PTPRA: variants seen among roughly 807,000 people sequenced by gnomAD.
The protein encoded by PTPRA is receptor-type tyrosine-protein phosphatase alpha.
PTPRA carries 25 observed loss-of-function variants against 104.8 expected under a neutral mutation model. The observed-to-expected ratio is 0.24, with a 90% CI of 0.17 to 0.33. PTPRA has a LOEUF of 0.33. Ranked by LOEUF, PTPRA falls within the 10% of genes least tolerant of loss-of-function variation. PTPRA has a pLI of 1.00. For synonymous variants in PTPRA, 323 were observed against 368.9 expected, an observed-to-expected ratio of 0.88 and a Z score of 1.43; for missense variants, 765 against 1,015.3, an observed-to-expected ratio of 0.75 and a Z score of 3.35.
chr20:2,932,671 T>G (rs1271053112), intron 2 of PTPRA, among the ~76,000 whole-genome samples: 1 of 152,190 alleles, frequency 6.6e-6, no homozygotes, highest in African/African-American at 2.4e-5. Flanking sequence ...TGGGCTGCTG[T>G]GCTAGAAACT....
At chr20:2,910,578 G>GT (rs1245304127) in intron 1 of PTPRA, among the ~76,000 whole-genome samples, 437 of 32,214 alleles carry the variant, frequency 0.014, 12 homozygotes, top group Non-Finnish European at 0.018. Flanking sequence ...TGCCCAGCTA[G>GT]TTTTTTTTTT....
At chr20:3,021,459 T>C (rs757584345) in intron 14 of PTPRA, 31 bp downstream of exon 14, 20 of 1,612,344 alleles carry the variant, frequency 1.2e-5, no homozygotes, top group Non-Finnish European at 1.6e-5. Flanking sequence ...TCTCAGTTCT[T>C]ATGTTGGATC....
chr20:2,864,973 T>C, the PTPRA span: 1 of 1,614,106 alleles, frequency 6.2e-7, no homozygotes, highest in Non-Finnish European at 8.5e-7. This position sits in a 1 kb window ranked among gnomAD's most constrained non-coding sequence, Gnocchi z 5.2. Context: ...TTCTTGTCTT[T>C]ATAGCGTATT....
rs889032179 is a variant in PTPRA at position 2,873,968 on chromosome 20, G to C, written c.-129+208G>C. Among the ~76,000 whole-genome samples, 3 of 152,332 alleles carry C rather than the reference G, an allele frequency of 2.0e-5. No individual in the cohort carries two copies. Among genetic ancestry groups the C allele is most frequent in the African/African-American group, 4.8e-5 (2 of 41,588 alleles). ...GGAGGGGGTCCCCGGAAACGTGCCG[G>C]CCCGAGTGCCGACCCCTCGCGACTG... On this transcript the variant is annotated intron_variant, in intron 1 of 23. Coordinates refer to ENST00000399903, the MANE Select transcript of PTPRA (RefSeq NM_001385305.1). The surrounding 1 kb of genome is among the most constrained non-coding windows in gnomAD (Gnocchi z 4.4).
Position 3,003,761 on chromosome 20 carries a change from G to C in PTPRA, c.739-1295G>C, listed in dbSNP as rs901158893. Among the ~76,000 whole-genome samples the C allele has an allele frequency of 2.8e-5, 4 of 145,192 alleles. No individual in the cohort carries two copies. The East Asian group carries it at 6.1e-4, about 22-fold the overall frequency. On this transcript the variant is annotated intron_variant, in intron 9 of 23. Transcript: ENST00000399903. ...AGGTCTTGCTGTGTTGCCCAGGCTGGTCTCAAACTTCTGGCCTCAAGTAGT... is the reference window on the plus strand; with the variant it reads ...AGGTCTTGCTGTGTTGCCCAGGCTGCTCTCAAACTTCTGGCCTCAAGTAGT...
intron 1 of PTPRA, among the ~76,000 whole-genome samples, chr20:2,912,446 A>C (rs1184858235): frequency 1.3e-5 from 2 of 151,918 alleles, no homozygotes; most frequent in Non-Finnish European, 2.9e-5. Context: ...CAACGTGGCG[A>C]AACTCCGTCT....
chr20:2,928,197 G>A lies in PTPRA; in HGVS notation c.-50+4912G>A, dbSNP rs577218709. ...GTTGCCCAGGCTGGAGTGCAGTGGC[G>A]CGATCTTGGCTCACTGCAAGCTTCG... On this transcript the variant is annotated intron_variant, in intron 2 of 23. Transcript: ENST00000399903. Among the ~76,000 whole-genome samples, 6 of 152,060 alleles carry A rather than the reference G, an allele frequency of 3.9e-5. No homozygotes were observed. The South Asian group carries it at 1.0e-3, about 26-fold the overall frequency.
In PTPRA at chr20:3,022,661, C is replaced by G. The variant is rs758066980; in HGVS notation, c.1329-28C>G. 7 of 1,613,002 alleles carry G rather than the reference C, an allele frequency of 4.3e-6. No individual in the cohort carries two copies. The highest frequency in any genetic ancestry group is 1.1e-5 in the South Asian group (1 of 90,970). On this transcript the variant is annotated intron_variant, in intron 15 of 23. Transcript: ENST00000399903. The surrounding 1 kb of genome is among the most constrained non-coding windows in gnomAD (Gnocchi z 4.6). The stretch of plus-strand genomic sequence containing the variant: ...GCTCCCACAAGGCAGGCTGGCCATC[C>G]CTATAACCCCCTGCTCTCTGGCTAC...
intron 1 of PTPRA, among the ~76,000 whole-genome samples, chr20:2,907,601 A>G (rs937065216): frequency 2.0e-5 from 3 of 152,232 alleles, no homozygotes; most frequent in Non-Finnish European, 4.4e-5. Context: ...TATCAATGAT[A>G]ACGTATCTGA....
At chr20:2,953,509 T>C (rs2061423696) in intron 3 of PTPRA, among the ~76,000 whole-genome samples, 1 of 152,098 alleles carries the variant, frequency 6.6e-6, no homozygotes, top group African/African-American at 2.4e-5. Context: ...CGCCTCAGCC[T>C]CCCGAAGTGC....
At chr20:2,923,766 C>T (rs368948383) in intron 2 of PTPRA, among the ~76,000 whole-genome samples, 45 of 152,028 alleles carry the variant, frequency 3.0e-4, no homozygotes, top group African/African-American at 1.1e-3. Context: ...ACACTGCATT[C>T]CATTCTGGGC....
At chr20:2,865,275 G>A in the PTPRA span, 111 of 1,613,990 alleles carry the variant, frequency 6.9e-5, no homozygotes, top group African/African-American at 9.3e-5. The surrounding 1 kb of genome is among the most constrained non-coding windows in gnomAD (Gnocchi z 5.2). Flanking sequence ...CACAACAAGC[G>A]TGCAGAGCAG....
At chr20:2,979,179 G>A (rs1221689417) in intron 6 of PTPRA, among the ~76,000 whole-genome samples, 1 of 152,158 alleles carries the variant, frequency 6.6e-6, no homozygotes, top group East Asian at 1.9e-4. Flanking sequence ...TCTAAGGCTG[G>A]CCTGTGGTTC....
intron 14 of PTPRA, 102 bp from the exon 15 acceptor site, chr20:3,021,952 C>T (rs916719832): frequency 2.1e-6 from 3 of 1,439,310 alleles, no homozygotes; most frequent in African/African-American, 2.8e-5. Flanking sequence ...GGTACACTTA[C>T]TTTTCCATTG....
chr20:2,968,507 T>TTTTTTTTTTTG (rs759599927), intron 5 of PTPRA, among the ~76,000 whole-genome samples: 53 of 145,176 alleles, frequency 3.7e-4, no homozygotes, highest in Non-Finnish European at 7.0e-4. Context: ...CTTTTTTTTT[T>TTTTTTTTTTTG]TTCTCAAATT....
intron 1 of PTPRA, among the ~76,000 whole-genome samples, chr20:2,912,416 G>A (rs1054319231): frequency 2.6e-5 from 4 of 151,914 alleles, no homozygotes; most frequent in South Asian, 2.1e-4. Flanking sequence ...TTGAGCTCAG[G>A]AGTTCAAGAC....
intron 2 of PTPRA, among the ~76,000 whole-genome samples, chr20:2,923,946 C>T (rs2060194951): frequency 6.6e-6 from 1 of 152,128 alleles, no homozygotes. Context: ...GCAATATCTG[C>T]AAAACATACA....
chr20:2,954,586 A>C (rs1311513316), intron 3 of PTPRA, among the ~76,000 whole-genome samples: 2 of 152,180 alleles, frequency 1.3e-5, no homozygotes, highest in African/African-American at 4.8e-5. Flanking sequence ...CTCTTTGTAT[A>C]TTCTGCATTT....
At chr20:3,018,843 C>T (rs1188497747) in intron 13 of PTPRA, among the ~76,000 whole-genome samples, 7 of 110,448 alleles carry the variant, frequency 6.3e-5, no homozygotes, top group Non-Finnish European at 1.2e-4. Context: ...GGCGGCTGGC[C>T]GGGCGGGGGG....
Sources: allele counts gnomAD v4.1 joint callset (sites outside exome capture counted in the v4.1 genomes callset), GRCh38; gene constraint gnomAD v4.1.1; non-coding constraint Gnocchi (gnomAD v3.1); transcripts MANE v1.5; gene names NCBI Gene and HGNC (gene_info 2026-07-23, HGNC 2026-07-21).